The following ZNF41 variants were observed in gnomAD, a reference collection of about 807,000 sequenced individuals.
The protein encoded by ZNF41 is zinc finger protein 41.
ZNF41 carries 6 observed loss-of-function variants against 9.3 expected under a neutral mutation model. That is an observed-to-expected ratio of 0.65 (90% CI 0.35 to 1.28). ZNF41 has a LOEUF of 1.28. Ranked by LOEUF, ZNF41 falls within the 50% of genes most tolerant of loss-of-function variation. The pLI, the probability that ZNF41 is intolerant of heterozygous loss-of-function variation, is 0.03. For synonymous variants in ZNF41, 192 were observed against 207.1 expected (o/e 0.93, Z 0.63); for missense variants, 523 against 585.8 (o/e 0.89, Z 1.11).
intron 1 of ZNF41, among the ~76,000 whole-genome samples, chrX:47,477,910 G>A (rs1402763846): frequency 8.9e-6 from 1 of 112,690 alleles, no homozygotes; most frequent in African/African-American, 3.2e-5. Context: ...GCTCATAGCA[G>A]CATTATTCAT....
chrX:47,457,221 C>G (rs746144775), intron 2 of ZNF41, among the ~76,000 whole-genome samples: 18 of 110,274 alleles, frequency 1.6e-4, no homozygotes, highest in Non-Finnish European at 2.7e-4. Context: ...ACCAGCCTGA[C>G]CAATATGGTA....
chrX:47,481,791 C>T (rs1248334199), intron 1 of ZNF41, among the ~76,000 whole-genome samples: 1 of 112,037 alleles, frequency 8.9e-6, no homozygotes, highest in Non-Finnish European at 1.9e-5. Context: ...AAATTCAGGA[C>T]TTTAAAAATG....
Position 47,449,429 on chromosome X carries a change from A to G in ZNF41, c.341T>C (p.Ile114Thr). The change falls in exon 5 of 5, where the codon ATT becomes ACT. Residue 114 changes from isoleucine (I) to threonine (T), a missense_variant. Ile to Thr is a moderately conservative substitution (Grantham distance 89). Transcript: ENST00000684689. ...KMQQQGIPGG[I>T]FFHCERFDQP... is the part of the protein sequence containing the mutation. ...ATCAAATCTCTCACAGTGGAAGAAA[A>G]TTCCTCCAGGAATTCCCTGTTGCTG... The G allele has an allele frequency of 8.3e-7, 1 of 1,210,256 alleles. No homozygotes were observed. The highest frequency in any genetic ancestry group is 1.1e-6 in the Non-Finnish European group (1 of 894,579).
At chrX:47,466,068 T>C (rs1190346047) in intron 2 of ZNF41, among the ~76,000 whole-genome samples, 1 of 111,000 alleles carries the variant, frequency 9.0e-6, no homozygotes, top group Non-Finnish European at 1.9e-5. Context: ...AAAAAACAAC[T>C]GAAAGGAAAT....
intron 2 of ZNF41, among the ~76,000 whole-genome samples, chrX:47,463,107 C>T (rs372804954): frequency 3.6e-5 from 4 of 109,969 alleles, no homozygotes; most frequent in African/African-American, 1.3e-4. Flanking sequence ...ATTACAGGTG[C>T]GAACCACCGT....
chrX:47,453,798 G>A lies in ZNF41; in HGVS notation c.295+2123C>T, dbSNP rs181144076. On this transcript the variant is annotated intron_variant, in intron 4 of 4. Coordinates refer to ENST00000684689, the MANE Select transcript of ZNF41 (RefSeq NM_001324144.2). ...GCAGAAAATATGGAGCTGGCCGGGC[G>A]CGGTGGGTCACACCTATAATCCCAG... 3.3e-3 allele frequency among the ~76,000 whole-genome samples: 373 copies of A among 112,029 alleles called. 1 individual carries two copies. The highest frequency in any genetic ancestry group is 0.012 in the African/African-American group (361 of 30,895).
chrX:47,454,263 A>G (rs1044554921), intron 4 of ZNF41, among the ~76,000 whole-genome samples: 3 of 110,737 alleles, frequency 2.7e-5, no homozygotes, highest in African/African-American at 9.8e-5. Context: ...GGTAATTCAT[A>G]GGAGGGAAGC....
intron 1 of ZNF41, among the ~76,000 whole-genome samples, chrX:47,472,640 T>C (rs970347822): frequency 9.1e-6 from 1 of 110,145 alleles, no homozygotes; most frequent in Non-Finnish European, 1.9e-5. Context: ...GGTTTCGCCA[T>C]GTTGGGCAGG....
At chrX:47,458,383 A>G (rs1046591842) in intron 2 of ZNF41, among the ~76,000 whole-genome samples, 79 of 112,265 alleles carry the variant, frequency 7.0e-4, no homozygotes, top group African/African-American at 2.5e-3. Flanking sequence ...AATGGTAACT[A>G]AAGTGGAAAT....
Position 47,447,689 on chromosome X carries a change from C to G in ZNF41, c.2081G>C (p.Gly694Ala), listed in dbSNP as rs768833743. Residue 694 changes from glycine to alanine, a missense_variant, in exon 5 of 5, where the codon GGT becomes GCT. Coordinates refer to ENST00000684689, the MANE Select transcript of ZNF41 (RefSeq NM_001324144.2). ...IHTREKPYEC[G>A]DCGKTFTWKS... ...CCAGGTGAAGGTTTTCCCGCAGTCA[C>G]CACATTCATAGGGTTTCTCCCTAGT... The G allele has an allele frequency of 5.0e-6, 6 of 1,210,472 alleles. No individual in the cohort carries two copies.
intron 1 of ZNF41, among the ~76,000 whole-genome samples, chrX:47,480,883 A>G (rs1280762645): frequency 2.8e-5 from 3 of 107,453 alleles, no homozygotes; most frequent in South Asian, 4.2e-4. Context: ...AAGCCTTCTC[A>G]TATGTTGCTG....
chrX:47,461,696 A>C (rs1191784495), intron 2 of ZNF41, among the ~76,000 whole-genome samples: 1 of 109,385 alleles, frequency 9.1e-6, no homozygotes, highest in African/African-American at 3.3e-5. Flanking sequence ...GGTGTGAGCC[A>C]CTGTGCCTGG....
At chrX:47,461,670 A>G (rs1379934425) in intron 2 of ZNF41, among the ~76,000 whole-genome samples, 1 of 109,340 alleles carries the variant, frequency 9.1e-6, no homozygotes, top group East Asian at 2.9e-4. Flanking sequence ...CGGCCTCCCA[A>G]AGTTCTGGGA....
chrX:47,463,987 C>T (rs761389817), intron 2 of ZNF41, among the ~76,000 whole-genome samples: 8 of 111,685 alleles, frequency 7.2e-5, no homozygotes, highest in Middle Eastern at 4.6e-3. Context: ...CCTGGTTCCT[C>T]GGGAAGTTGC....
At chrX:47,473,511 C>T (rs751511885) in intron 1 of ZNF41, among the ~76,000 whole-genome samples, 12 of 111,758 alleles carry the variant, frequency 1.1e-4, no homozygotes, top group South Asian at 3.7e-4. Flanking sequence ...GATCATTCAA[C>T]GCATACAAAT....
intron 2 of ZNF41, among the ~76,000 whole-genome samples, chrX:47,461,932 C>G (rs1256350735): frequency 9.5e-6 from 1 of 105,427 alleles, no homozygotes. Context: ...GGGTGTCTCA[C>G]AGTGTTGCTC....
chrX:47,449,254 A>G lies in ZNF41; in HGVS notation c.516T>C (p.Ile172=). ...IKERGYEHKN[I]EKIIHVTTKL... is the part of the protein sequence containing the mutation. ...TGGTAGTCACATGAATTATTTTTTC[A>G]ATGTTTTTATGTTCATAGCCCCTCT... Residue 172 remains isoleucine, a synonymous_variant, in exon 5 of 5, where the codon ATT becomes ATC. Transcript: ENST00000684689. 8.3e-7 allele frequency: 1 copy of G among 1,210,950 alleles called. No individual in the cohort carries two copies. The highest frequency in any genetic ancestry group is 1.1e-6 in the Non-Finnish European group (1 of 895,298).
At chrX:47,469,167 C>T (rs1319281087) in intron 1 of ZNF41, among the ~76,000 whole-genome samples, 3 of 103,380 alleles carry the variant, frequency 2.9e-5, no homozygotes, top group Non-Finnish European at 5.9e-5. Context: ...AAAAATTAGC[C>T]GGGCGTAGTG....
chrX:47,463,083 C>T (rs962739378), intron 2 of ZNF41, among the ~76,000 whole-genome samples: 1 of 110,419 alleles, frequency 9.1e-6, no homozygotes, highest in Middle Eastern at 4.7e-3. Context: ...GCTTTGGCCT[C>T]CCAAAGTGTT....
Sources: allele counts gnomAD v4.1 joint callset (sites outside exome capture counted in the v4.1 genomes callset), GRCh38; gene constraint gnomAD v4.1.1; transcripts MANE v1.5; gene names NCBI Gene and HGNC (gene_info 2026-07-23, HGNC 2026-07-21).